Variants in SH3GLB1 observed in about 807,000 individuals in gnomAD.
SH3GLB1 encodes the protein endophilin-B1.
A neutral mutation model predicts 42.0 loss-of-function variants in SH3GLB1; 17 were observed. The observed-to-expected ratio is 0.40, with a 90% CI of 0.28 to 0.61. SH3GLB1 has a LOEUF of 0.61. SH3GLB1 is among the 20% of genes least tolerant of loss of function. The probability of loss-of-function intolerance (pLI) is 0.36; values close to 1 mark genes in which losing one functional copy is unlikely to be tolerated. For synonymous variants in SH3GLB1, 132 were observed against 146.6 expected (o/e 0.90, Z 0.72); for missense variants, 355 against 426.3 (o/e 0.83, Z 1.47).
At chr1:86,724,551 A>G (rs1194575462) in intron 5 of SH3GLB1, 146 bp downstream of exon 5, 27 of 654,686 alleles carry the variant, frequency 4.1e-5, no homozygotes, top group Non-Finnish European at 6.0e-5. Context: ...AATACATCCA[A>G]ATCACTGCAA....
chr1:86,727,478 C>A (rs2101960058), intron 5 of SH3GLB1, among the ~76,000 whole-genome samples: 1 of 152,120 alleles, frequency 6.6e-6, no homozygotes, highest in Non-Finnish European at 1.5e-5. Flanking sequence ...ATATGAAGTT[C>A]TTTGAGTGCC....
rs1029627750 is a variant in SH3GLB1 at position 86,746,657 on chromosome 1, C to T, written c.*3422C>T. 13 of 152,280 alleles carry T rather than the reference C, an allele frequency of 8.5e-5. No homozygotes were observed. Among genetic ancestry groups the T allele is most frequent in the Non-Finnish European group, 1.5e-5 (1 of 68,154 alleles). 9.4% of individuals were successfully genotyped at this position (152,280 alleles called of 1,614,324 possible). On this transcript the variant is annotated 3_prime_UTR_variant, in exon 9 of 9. Coordinates refer to ENST00000370558, the MANE Select transcript of SH3GLB1 (RefSeq NM_016009.5). The stretch of plus-strand genomic sequence containing the variant: ...CTGAGGCGGGTGGATCATCTGAGGT[C>T]AGGAGTTCGAGACCAGCCTGGCCAA...
chr1:86,708,680 A>G (rs1000017715), intron 1 of SH3GLB1, among the ~76,000 whole-genome samples: 14 of 152,216 alleles, frequency 9.2e-5, no homozygotes, highest in Admixed American at 7.2e-4. Flanking sequence ...CAAGATGGTA[A>G]AATACAAAAG....
At chr1:86,728,437 T>C (rs747917306) in intron 5 of SH3GLB1, 6 of 1,559,860 alleles carry the variant, frequency 3.8e-6, no homozygotes, top group Admixed American at 3.8e-5. Flanking sequence ...GGAGATAACA[T>C]TATGGTAAAT....
intron 5 of SH3GLB1, among the ~76,000 whole-genome samples, chr1:86,725,770 A>G (rs953962158): frequency 2.0e-5 from 3 of 152,290 alleles, no homozygotes; most frequent in African/African-American, 7.2e-5. Context: ...ATTGGATAGT[A>G]ATGTCTTACG....
chr1:86,706,126 A>C (rs1006240530), intron 1 of SH3GLB1, among the ~76,000 whole-genome samples: 1 of 152,220 alleles, frequency 6.6e-6, no homozygotes, highest in African/African-American at 2.4e-5. Context: ...ACTTTGCCAG[A>C]TAGATGTTAT....
At chr1:86,705,224 T>C (rs533207037) in intron 1 of SH3GLB1, among the ~76,000 whole-genome samples, 84 of 152,146 alleles carry the variant, frequency 5.5e-4, no homozygotes, top group African/African-American at 2.0e-3. Context: ...CTCCCACCCC[T>C]GGGGAACACT....
rs147328526 is a variant in SH3GLB1, at chr1:86,711,552, A to G, written c.73-4172A>G. Among the ~76,000 whole-genome samples, 10 of 152,288 alleles carry G rather than the reference A, an allele frequency of 6.6e-5. No homozygotes were observed. In the East Asian group the frequency reaches 1.9e-3, roughly 29 times the overall value. On this transcript the variant is annotated intron_variant, in intron 1 of 8. Transcript: ENST00000370558. Reference sequence around the variant, plus strand: ...CCTTTTATTTTAGGTTGTTTACACAAAAGTTCTTAATTATTAAACTATACT... The same window carrying G: ...CCTTTTATTTTAGGTTGTTTACACAGAAGTTCTTAATTATTAAACTATACT...
chr1:86,727,318 A>G (rs1655252778), intron 5 of SH3GLB1, among the ~76,000 whole-genome samples: 1 of 152,022 alleles, frequency 6.6e-6, no homozygotes, highest in East Asian at 1.9e-4. Context: ...AAGCAGAAAG[A>G]AAGCCCACTT....
At chr1:86,713,034 C>T (rs956375814) in intron 1 of SH3GLB1, among the ~76,000 whole-genome samples, 1 of 152,134 alleles carries the variant, frequency 6.6e-6, no homozygotes, top group Non-Finnish European at 1.5e-5. Context: ...AAATAATTAA[C>T]TTTCTAATTG....
At chr1:86,734,032 A>G (rs1655653103) in intron 5 of SH3GLB1, among the ~76,000 whole-genome samples, 1 of 152,188 alleles carries the variant, frequency 6.6e-6, no homozygotes, top group South Asian at 2.1e-4. Flanking sequence ...AATTTGAAAG[A>G]AAGACATTTA....
At chr1:86,726,754 C>A (rs1028303933) in intron 5 of SH3GLB1, among the ~76,000 whole-genome samples, 30 of 151,838 alleles carry the variant, frequency 2.0e-4, no homozygotes, top group Admixed American at 1.4e-3. Flanking sequence ...AGAAAAAGTT[C>A]TCTTAGTTTA....
At chr1:86,730,178 TATTGGGCAACAA>T in intron 5 of SH3GLB1, 2 of 1,542,268 alleles carry the variant, frequency 1.3e-6, no homozygotes, top group South Asian at 2.4e-5. Context: ...AGTAAATATG[TATTGGGCAACAA>T]CCCATGGGTC....
intron 5 of SH3GLB1, chr1:86,730,188 CA>C: frequency 6.5e-7 from 1 of 1,533,262 alleles, no homozygotes; most frequent in Non-Finnish European, 8.8e-7. Context: ...TATTGGGCAA[CA>C]ACCCATGGGT....
chr1:86,734,450 A>AG, intron 5 of SH3GLB1, 152 bp from the exon 6 acceptor site: 1 of 601,252 alleles, frequency 1.7e-6, no homozygotes, highest in Non-Finnish European at 3.0e-6. Context: ...TCTAGAAACC[A>AG]GGGGACCATT....
Position 86,719,642 on chromosome 1 carries a change from G to A in SH3GLB1, c.343+7G>A. 1 of 1,599,230 alleles carries A rather than the reference G, an allele frequency of 6.3e-7. No homozygotes were observed. The highest frequency in any genetic ancestry group is 2.3e-5 in the East Asian group (1 of 44,178). ...GGCCCAGGAACAGCTTATGGTAAGT[G>A]AAATGCAAAAAGTTCTAATAAGGGA... On this transcript the variant is annotated splice_region_variant and intron_variant, in intron 3 of 8. Coordinates refer to ENST00000370558, the MANE Select transcript of SH3GLB1 (RefSeq NM_016009.5).
At chr1:86,737,805 A>C (rs777882579) in intron 7 of SH3GLB1, among the ~76,000 whole-genome samples, 5 of 152,196 alleles carry the variant, frequency 3.3e-5, no homozygotes, top group African/African-American at 4.8e-5. Flanking sequence ...CTTTGATGGG[A>C]GTAGAGAAAG....
intron 7 of SH3GLB1, among the ~76,000 whole-genome samples, chr1:86,741,939 A>G (rs1229797803): frequency 6.6e-6 from 1 of 152,180 alleles, no homozygotes; most frequent in African/African-American, 2.4e-5. Flanking sequence ...GGAAAAAAGT[A>G]TAGCCATTAA....
chr1:86,719,448 C>T (rs1392341663), intron 2 of SH3GLB1, 59 bp from the exon 3 acceptor site: 1 of 1,499,202 alleles, frequency 6.7e-7, no homozygotes, highest in Admixed American at 2.1e-5. Flanking sequence ...GGGAAAAAAA[C>T]AATCTTCTAA....
Sources: allele counts gnomAD v4.1 joint callset (sites outside exome capture counted in the v4.1 genomes callset), GRCh38; gene constraint gnomAD v4.1.1; transcripts MANE v1.5; gene names NCBI Gene and HGNC (gene_info 2026-07-23, HGNC 2026-07-21).